WDR5: variants seen among roughly 807,000 people sequenced by gnomAD.
WDR5 encodes the protein WD repeat domain 5, also known as WD repeat-containing protein 5.
For missense variants in WDR5, 187 were observed against 416.9 expected (o/e 0.45, Z 4.80); for synonymous variants, 144 against 161.6 (o/e 0.89, Z 0.83).
intron 12 of WDR5, 62 bp downstream of exon 12, chr9:134,155,829 C>T: frequency 6.7e-7 from 1 of 1,501,756 alleles, no homozygotes; most frequent in East Asian, 2.3e-5. Flanking sequence ...AGAGGTCACA[C>T]CTGTTACAGG....
At position 134,142,434 on chromosome 9, in the gene WDR5, T is replaced by G. The variant is rs375063433; in HGVS notation, c.444+12T>G. ...TTGTCTCAGGATCCGTAAGTGTGGC[T>G]GGGGTGTCTTCCCTGGGGGAGGTGG... On this transcript the variant is annotated intron_variant, in intron 6 of 13. Transcript: ENST00000358625. The G allele has an allele frequency of 4.7e-5, 76 of 1,613,902 alleles. No homozygotes were observed. In the African/African-American group the frequency reaches 6.3e-4, roughly 13 times the overall value.
At chr9:134,149,012 G>T (rs1261379733) in intron 8 of WDR5, among the ~76,000 whole-genome samples, 1 of 152,128 alleles carries the variant, frequency 6.6e-6, no homozygotes, top group Non-Finnish European at 1.5e-5. Context: ...TGTTCAGATT[G>T]GTCACTGGGG....
rs188246575 is a variant in WDR5, at chr9:134,158,697, A to G, written c.*704A>G. The G allele has an allele frequency of 4.6e-5, 7 of 152,366 alleles. No individual in the cohort carries two copies. The highest frequency in any genetic ancestry group is 3.3e-4 in the Admixed American group (5 of 15,306). 9.4% of individuals were successfully genotyped at this position (152,366 alleles called of 1,614,324 possible). On this transcript the variant is annotated 3_prime_UTR_variant, in exon 14 of 14. Coordinates refer to ENST00000358625, the MANE Select transcript of WDR5 (RefSeq NM_017588.3). The stretch of plus-strand genomic sequence containing the variant: ...TGGGGTTTTGTGAATGGTTGTGGCA[A>G]GTGCGTCCTTGTGAAGCTCGTCTCC...
At chr9:134,139,747 C>T in intron 1 of WDR5, 73 bp from the exon 2 acceptor site, 1 of 987,642 alleles carries the variant, frequency 1.0e-6, no homozygotes, top group Non-Finnish European at 1.5e-6. Context: ...TTCTTTTCAT[C>T]CTTTTTCTTG....
At chr9:134,153,637 G>A (rs2132577800) in intron 9 of WDR5, among the ~76,000 whole-genome samples, 1 of 152,334 alleles carries the variant, frequency 6.6e-6, no homozygotes, top group South Asian at 2.1e-4. Flanking sequence ...GGCTGAGGGA[G>A]CGGAGACGCC....
intron 12 of WDR5, 99 bp from the exon 13 acceptor site, chr9:134,156,407 G>C: frequency 8.2e-7 from 1 of 1,213,416 alleles, no homozygotes; most frequent in Non-Finnish European, 1.2e-6. Flanking sequence ...CAGCAGGGTG[G>C]GCGTGGGGCA....
chr9:134,154,814 G>T (rs367908939), intron 10 of WDR5, among the ~76,000 whole-genome samples: 1 of 152,216 alleles, frequency 6.6e-6, no homozygotes, highest in Non-Finnish European at 1.5e-5. Context: ...TAGCCATCCC[G>T]CATGAAGGAG....
chr9:134,140,890 C>A, intron 3 of WDR5, 79 bp downstream of exon 3: 2 of 1,362,106 alleles, frequency 1.5e-6, no homozygotes, highest in South Asian at 1.2e-5. Flanking sequence ...GGATGGCTTG[C>A]TTCCTCACCT....
Position 134,148,318 on chromosome 9 carries a change from G to A in WDR5, c.559G>A (p.Val187Ile). 1 of 1,581,144 alleles carries A rather than the reference G, an allele frequency of 6.3e-7. No homozygotes were observed. The highest frequency in any genetic ancestry group is 8.6e-7 in the Non-Finnish European group (1 of 1,160,814). Reference protein sequence around the residue: ...VHFNRDGSLIVSSSYDGLCRI... With the variant: ...VHFNRDGSLIISSSYDGLCRI... ...TTTTAATCGTGATGGATCCTTGATAGTTTCAAGTAGCTATGATGGTCTCTG... is the reference window on the plus strand; with the variant it reads ...TTTTAATCGTGATGGATCCTTGATAATTTCAAGTAGCTATGATGGTCTCTG... Residue 187 changes from valine (V) to isoleucine (I), a missense_variant, in exon 8 of 14, where the codon GTT (valine) becomes ATT (isoleucine). Coordinates refer to ENST00000358625, the MANE Select transcript of WDR5 (RefSeq NM_017588.3).
At chr9:134,152,176 C>A (rs1354973924) in intron 9 of WDR5, 147 bp downstream of exon 9, 1 of 951,558 alleles carries the variant, frequency 1.1e-6, no homozygotes, top group Non-Finnish European at 1.6e-6. Flanking sequence ...CCGACCGTTC[C>A]GCCAGCTCCC....
chr9:134,142,238 G>C (rs752425121), intron 5 of WDR5, 95 bp from the exon 6 acceptor site: 801 of 1,377,736 alleles, frequency 5.8e-4, no homozygotes, highest in Middle Eastern at 1.5e-3. Context: ...GGGGCATCAG[G>C]CATGCTTTGG....
At position 134,154,506 on chromosome 9, in the gene WDR5, G is replaced by A. The variant is rs763104397; in HGVS notation, c.672G>A (p.Pro224=). Residue 224 remains proline, a synonymous_variant, in exon 10 of 14, where the codon CCG becomes CCA. Coordinates refer to ENST00000358625, the MANE Select transcript of WDR5 (RefSeq NM_017588.3). ...NPPVSFVKFS[P]NGKYILAATL... is the part of the protein sequence containing the mutation. ...CCGTGTCTTTTGTGAAGTTCTCCCC[G>A]AACGGCAAATACATCCTGGCCGCCA... The A allele has an allele frequency of 5.0e-6, 8 of 1,614,104 alleles. No individual in the cohort carries two copies. In the East Asian group the frequency reaches 1.1e-4, roughly 22 times the overall value.
chr9:134,155,383 CG>C lies in WDR5; in HGVS notation c.741+11del. 1 of 1,603,156 alleles carries C rather than the reference CG, an allele frequency of 6.2e-7. No individual in the cohort carries two copies. The highest frequency in any genetic ancestry group is 8.5e-7 in the Non-Finnish European group (1 of 1,175,378). On this transcript the variant is annotated intron_variant, in intron 11 of 13. Transcript: ENST00000358625. ...CTACAGCAAGGGGAAGGTGAGCCCC[CG>C]CAGGCTTGGGCCCCCATGGTGCACC...
rs1831534037 is a variant in WDR5, at chr9:134,136,123, AGCTGAGTCC to A, written c.-133_-125del. 7.0e-6 allele frequency: 1 copy of A among 143,064 alleles called. No individual in the cohort carries two copies. The highest frequency in any genetic ancestry group is 1.5e-5 in the Non-Finnish European group (1 of 65,878). 8.9% of individuals were successfully genotyped at this position (143,064 alleles called of 1,614,324 possible). The stretch of plus-strand genomic sequence containing the variant: ...GCCCGCCCGAGCTGCCGCCTTGTCG[AGCTGAGTCC>A]GCGCTCCCGCCCAGGCGGCGGCCGA... On this transcript the variant is annotated 5_prime_UTR_variant, in exon 1 of 14. Coordinates refer to ENST00000358625, the MANE Select transcript of WDR5 (RefSeq NM_017588.3).
At chr9:134,144,378 A>G (rs940108099) in intron 7 of WDR5, among the ~76,000 whole-genome samples, 3 of 152,168 alleles carry the variant, frequency 2.0e-5, no homozygotes, top group African/African-American at 4.8e-5. Flanking sequence ...TGACAAATGA[A>G]CGCTTGTGAA....
intron 1 of WDR5, among the ~76,000 whole-genome samples, chr9:134,138,067 GGTT>G (rs1418910672): frequency 6.6e-6 from 1 of 152,218 alleles, no homozygotes; most frequent in Non-Finnish European, 1.5e-5. Flanking sequence ...GTCAAGTTAA[GGTT>G]GTTTTGTTTG....
At chr9:134,139,671 A>G in intron 1 of WDR5, 149 bp from the exon 2 acceptor site, 1 of 587,978 alleles carries the variant, frequency 1.7e-6, no homozygotes, top group African/African-American at 1.9e-5. Context: ...ACTTAGGGGA[A>G]TTAATAGGGT....
chr9:134,147,883 C>T (rs548494561), intron 7 of WDR5, among the ~76,000 whole-genome samples: 9 of 151,872 alleles, frequency 5.9e-5, no homozygotes, highest in South Asian at 4.2e-4. Flanking sequence ...AGGGTGGGCG[C>T]GGTGCCTCAC....
rs997456645 is a variant in WDR5, at chr9:134,155,226, C to T, written c.708-114C>T. On this transcript the variant is annotated intron_variant, in intron 10 of 13. Coordinates refer to ENST00000358625, the MANE Select transcript of WDR5 (RefSeq NM_017588.3). ...GATGGGGAAGGGGGTTCCAGCCCCG[C>T]TGGCTTTTGCACCTGGCGCTGATGG... 35 of 1,298,758 alleles carry T rather than the reference C, an allele frequency of 2.7e-5. No homozygotes were observed. In the East Asian group the frequency reaches 8.3e-4, roughly 31 times the overall value. 80.5% of individuals were successfully genotyped at this position (1,298,758 alleles called of 1,614,324 possible).
Sources: allele counts gnomAD v4.1 joint callset (sites outside exome capture counted in the v4.1 genomes callset), GRCh38; gene constraint gnomAD v4.1.1; transcripts MANE v1.5; gene names NCBI Gene and HGNC (gene_info 2026-07-23, HGNC 2026-07-21).